PFDN1: variants seen among roughly 807,000 people sequenced by gnomAD.
The protein encoded by PFDN1 is prefoldin subunit 1, also known as prefoldin 1.
Under a neutral mutation model 17.3 loss-of-function variants are expected in PFDN1, and 6 were observed. That is an observed-to-expected ratio of 0.35 (90% confidence interval 0.19 to 0.69). The LOEUF (loss-of-function observed/expected upper bound fraction) is 0.69, where lower values mean the gene tolerates loss of function less well. PFDN1 is among the 30% of genes least tolerant of loss of function. The probability of loss-of-function intolerance (pLI) is 0.65; values close to 1 mark genes in which losing one functional copy is unlikely to be tolerated. For missense variants in PFDN1, 113 were observed against 146.2 expected (o/e 0.77, Z 1.17); for synonymous variants, 58 against 50.1 (o/e 1.16, Z -0.67).
chr5:140,278,646 C>G (rs1485715239), intron 3 of PFDN1, among the ~76,000 whole-genome samples: 1 of 151,734 alleles, frequency 6.6e-6, no homozygotes, highest in Non-Finnish European at 1.5e-5. Flanking sequence ...ACTTGCCCCC[C>G]CAACACTGTA....
chr5:140,276,891 C>A (rs1277651167), intron 3 of PFDN1, among the ~76,000 whole-genome samples: 1 of 148,134 alleles, frequency 6.8e-6, no homozygotes, highest in African/African-American at 2.5e-5. Context: ...AAACAGAAAT[C>A]ATATCTTTAA....
chr5:140,253,680 G>T (rs967493024), intron 3 of PFDN1, among the ~76,000 whole-genome samples: 1 of 152,232 alleles, frequency 6.6e-6, no homozygotes, highest in African/African-American at 2.4e-5. Context: ...CAGGCACCAG[G>T]TGTAAAAGGG....
chr5:140,260,219 CAG>C (rs1338604534), intron 3 of PFDN1, among the ~76,000 whole-genome samples: 1 of 151,086 alleles, frequency 6.6e-6, no homozygotes, highest in African/African-American at 2.5e-5. Flanking sequence ...AAATAAAAAA[CAG>C]AAAAAAACAA....
chr5:140,264,957 G>C (rs879460853), intron 3 of PFDN1, among the ~76,000 whole-genome samples: 1 of 152,070 alleles, frequency 6.6e-6, no homozygotes, highest in Admixed American at 6.6e-5. Context: ...AATCCTCTTA[G>C]GGACTTTTTA....
intron 3 of PFDN1, among the ~76,000 whole-genome samples, chr5:140,256,566 T>C (rs1159952830): frequency 6.6e-6 from 1 of 150,516 alleles, no homozygotes; most frequent in Non-Finnish European, 1.5e-5. Context: ...ACACAACTGA[T>C]TTATGGTCAC....
chr5:140,284,182 A>G (rs529652315), intron 2 of PFDN1, among the ~76,000 whole-genome samples: 3 of 152,350 alleles, frequency 2.0e-5, no homozygotes, highest in Admixed American at 1.3e-4. Flanking sequence ...AGGTAGCTAT[A>G]CTGGACTGTG....
At chr5:140,288,667 G>A (rs917922382) in intron 2 of PFDN1, among the ~76,000 whole-genome samples, 7 of 152,060 alleles carry the variant, frequency 4.6e-5, no homozygotes, top group African/African-American at 7.2e-5. Flanking sequence ...CAATTTTTCC[G>A]TACTACTAAA....
intron 2 of PFDN1, among the ~76,000 whole-genome samples, chr5:140,294,584 A>G (rs1765626068): frequency 6.6e-6 from 1 of 152,108 alleles, no homozygotes; most frequent in African/African-American, 2.4e-5. Context: ...TAAGAAATAC[A>G]ATCACAACAA....
intron 3 of PFDN1, among the ~76,000 whole-genome samples, chr5:140,256,658 CAAAAAAAA>C (rs757723797): frequency 5.0e-5 from 2 of 39,892 alleles, no homozygotes; most frequent in African/African-American, 7.1e-5. Context: ...CAAAAAATGA[CAAAAAAAA>C]AAAAAAAAAA....
rs748827894 is a variant in PFDN1, at chr5:140,281,503, G to A, written c.231C>T (p.His77=). The change falls in exon 3 of 4, where the codon CAC becomes CAT. Residue 77 remains histidine, a synonymous_variant. Coordinates refer to ENST00000261813, the MANE Select transcript of PFDN1 (RefSeq NM_002622.5). The part of the protein sequence containing the change: ...MFILQSKEAI[H]SQLLEKQKIA... ...TTTTCTGCTTCTCTAACAGCTGACTGTGAATTGCTTCCTTGGACTGAAGAA... is the reference window on the plus strand; with the variant it reads ...TTTTCTGCTTCTCTAACAGCTGACTATGAATTGCTTCCTTGGACTGAAGAA... The A allele has an allele frequency of 2.8e-5, 45 of 1,592,710 alleles. No individual in the cohort carries two copies. Among genetic ancestry groups the A allele is most frequent in the Non-Finnish European group, 3.9e-5 (45 of 1,161,242 alleles).
intron 3 of PFDN1, among the ~76,000 whole-genome samples, chr5:140,277,281 G>A (rs900226027): frequency 6.6e-6 from 1 of 151,726 alleles, no homozygotes; most frequent in Non-Finnish European, 1.5e-5. Context: ...GGTTTTACAT[G>A]AGAGAGTAAT....
rs376260726 is a variant in PFDN1, at chr5:140,246,104, C to T, written c.286-47G>A. 256 of 1,169,216 alleles carry T rather than the reference C, an allele frequency of 2.2e-4. 1 individual carries two copies. Among genetic ancestry groups the T allele is most frequent in the Middle Eastern group, 5.7e-4 (3 of 5,230 alleles). 72.4% of individuals were successfully genotyped at this position (1,169,216 alleles called of 1,614,324 possible). On this transcript the variant is annotated intron_variant, in intron 3 of 3. Transcript: ENST00000261813. ...AAGGTTAGGACCAGAGTGAATGGGC[C>T]GGGCTGGAAGACACAGCTTTGATGT...
rs575741421 is a variant in PFDN1 at position 140,297,594 on chromosome 5, C to T, written c.200+2822G>A. On this transcript the variant is annotated intron_variant, in intron 2 of 3. Coordinates refer to ENST00000261813, the MANE Select transcript of PFDN1 (RefSeq NM_002622.5). The stretch of plus-strand genomic sequence containing the variant: ...ATGTAGAAGCTCAACTTTATCCAAA[C>T]ATTTAAAACTCCACACTTCTTTTAA... Among the ~76,000 whole-genome samples, 6 of 152,324 alleles carry T rather than the reference C, an allele frequency of 3.9e-5. No homozygotes were observed. The East Asian group carries it at 1.2e-3, about 29-fold the overall frequency.
intron 2 of PFDN1, among the ~76,000 whole-genome samples, chr5:140,287,594 C>T (rs1279890303): frequency 6.6e-6 from 1 of 151,980 alleles, no homozygotes; most frequent in African/African-American, 2.4e-5. Flanking sequence ...GAACCTGGAG[C>T]ATACTGCAGT....
chr5:140,290,266 G>A (rs73257094), intron 2 of PFDN1, among the ~76,000 whole-genome samples: 241 of 152,274 alleles, frequency 1.6e-3, no homozygotes, highest in African/African-American at 5.7e-3. Context: ...CTCAGTTTCT[G>A]TCATGAAATA....
At chr5:140,248,506 C>T (rs1292451110) in intron 3 of PFDN1, among the ~76,000 whole-genome samples, 2 of 152,222 alleles carry the variant, frequency 1.3e-5, no homozygotes, top group African/African-American at 4.8e-5. Context: ...ACCACCTGGG[C>T]ACCCTGTGGA....
At chr5:140,257,117 G>C (rs1256320126) in intron 3 of PFDN1, among the ~76,000 whole-genome samples, 1 of 152,022 alleles carries the variant, frequency 6.6e-6, no homozygotes, top group Non-Finnish European at 1.5e-5. Context: ...CAGCTACTCA[G>C]GAGGCTGAGG....
chr5:140,257,634 C>T (rs560967604), intron 3 of PFDN1, among the ~76,000 whole-genome samples: 3 of 152,308 alleles, frequency 2.0e-5, no homozygotes, highest in Admixed American at 1.3e-4. Context: ...GTCTGTATCT[C>T]AGTGTAAGCT....
At chr5:140,261,299 A>G (rs1199141141) in intron 3 of PFDN1, among the ~76,000 whole-genome samples, 1 of 152,224 alleles carries the variant, frequency 6.6e-6, no homozygotes, top group Non-Finnish European at 1.5e-5. Flanking sequence ...TTACACATAC[A>G]AACGGGTTGG....
Sources: allele counts gnomAD v4.1 joint callset (sites outside exome capture counted in the v4.1 genomes callset), GRCh38; gene constraint gnomAD v4.1.1; transcripts MANE v1.5; gene names NCBI Gene and HGNC (gene_info 2026-07-23, HGNC 2026-07-21).